SLC1A7: variants seen among roughly 807,000 people sequenced by gnomAD.
The protein encoded by SLC1A7 is solute carrier family 1 member 7.
Under a neutral mutation model 47.7 loss-of-function variants are expected in SLC1A7, and 40 were observed. The observed-to-expected ratio is 0.84, with a 90% CI of 0.65 to 1.09. The LOEUF is 1.09. SLC1A7 is among the 50% of genes least tolerant of loss of function. SLC1A7 has a pLI of 0.00. For missense variants in SLC1A7, 746 were observed against 769.5 expected (o/e 0.97, Z 0.36); for synonymous variants, 323 against 325.6 (o/e 0.99, Z 0.09).
chr1:53,103,177 T>G (rs945170815), intron 5 of SLC1A7, 169 bp downstream of exon 5: 24 of 533,340 alleles, frequency 4.5e-5, no homozygotes, highest in South Asian at 1.5e-4. Flanking sequence ...TGGGGTGGGG[T>G]GGGGAGGCGA....
chr1:53,136,199 T>C (rs1218686987), intron 1 of SLC1A7, among the ~76,000 whole-genome samples: 1 of 147,546 alleles, frequency 6.8e-6, no homozygotes, highest in African/African-American at 2.5e-5. Flanking sequence ...ATTATATATA[T>C]ATATTTTTTA....
chr1:53,115,048 C>A, intron 2 of SLC1A7, 75 bp from the exon 3 acceptor site: 2 of 1,164,588 alleles, frequency 1.7e-6, no homozygotes, highest in Non-Finnish European at 2.5e-6. Context: ...CACTCAGCCC[C>A]TCCTGGCCAT....
intron 6 of SLC1A7, 31 bp downstream of exon 6, chr1:53,093,430 C>T (rs146510848): frequency 7.1e-6 from 11 of 1,546,832 alleles, no homozygotes; most frequent in African/African-American, 1.3e-5. Context: ...CAGGGCTGGC[C>T]GGGGTGAGGT....
intron 1 of SLC1A7, among the ~76,000 whole-genome samples, chr1:53,141,973 G>A (rs943942673): frequency 2.0e-5 from 3 of 152,030 alleles, no homozygotes; most frequent in Non-Finnish European, 4.4e-5. Context: ...CAGCCTTTAG[G>A]AGGTGTTCTC....
chr1:53,123,714 T>C (rs1644849914), intron 2 of SLC1A7, among the ~76,000 whole-genome samples: 2 of 152,190 alleles, frequency 1.3e-5, no homozygotes, highest in African/African-American at 2.4e-5. Flanking sequence ...AGCGAGAGCA[T>C]GGAAGTCTGT....
Position 53,092,694 on chromosome 1 carries a change from T to C in SLC1A7, c.891A>G (p.Ser297=), listed in dbSNP as rs12129653. The change falls in exon 7 of 11, where the codon TCA becomes TCG. Residue 297 remains serine (S), a synonymous_variant. Coordinates refer to ENST00000371494, the MANE Select transcript of SLC1A7 (RefSeq NM_006671.6). ...GCACCAGCCCGCACACCACGGTGACTGAGTAGAAGCCCAGCTTCTTGCCGA... is the reference window on the plus strand; with the variant it reads ...GCACCAGCCCGCACACCACGGTGACCGAGTAGAAGCCCAGCTTCTTGCCGA... ...RAVGKKLGFY[S]VTVVCGLVLH... The C allele has an allele frequency of 0.072, 116,072 of 1,613,906 alleles. 6,777 individuals are homozygous for C. Among genetic ancestry groups the C allele is most frequent in the Admixed American group, 0.27 (16,235 of 60,014 alleles).
intron 2 of SLC1A7, among the ~76,000 whole-genome samples, chr1:53,124,654 C>T (rs755347122): frequency 3.3e-5 from 5 of 152,176 alleles, no homozygotes; most frequent in Admixed American, 2.0e-4. Context: ...CACACATGGG[C>T]ACACAAACAC....
rs1369030873 is a variant in SLC1A7 at position 53,103,582 on chromosome 1, C to T, written c.475-14G>A. ...CTTGGTGCGGTACTGGTGGGTGACA[C>T]CCCACCCAGAGAGAAGTCAGGGCCA... On this transcript the variant is annotated splice_polypyrimidine_tract_variant and intron_variant, in intron 4 of 10. Coordinates refer to ENST00000371494, the MANE Select transcript of SLC1A7 (RefSeq NM_006671.6). 1.3e-6 allele frequency: 2 copies of T among 1,512,964 alleles called. No homozygotes were observed. The highest frequency in any genetic ancestry group is 1.3e-5 in the South Asian group (1 of 79,402). The allele number at this position is 1,512,964 out of a possible 1,614,324, so 93.7% of individuals were successfully genotyped here.
At chr1:53,129,387 C>T (rs1300470156) in intron 2 of SLC1A7, among the ~76,000 whole-genome samples, 2 of 152,052 alleles carry the variant, frequency 1.3e-5, no homozygotes, top group African/African-American at 2.4e-5. Context: ...ACTCCAAAGC[C>T]CTGTTCCTGC....
chr1:53,141,055 GC>G (rs1214392931), intron 1 of SLC1A7, among the ~76,000 whole-genome samples: 1 of 152,162 alleles, frequency 6.6e-6, no homozygotes, highest in African/African-American at 2.4e-5. Flanking sequence ...CATTGACAAA[GC>G]CTCTCTCCTT....
At chr1:53,132,773 G>T (rs921232722) in intron 2 of SLC1A7, among the ~76,000 whole-genome samples, 6 of 152,198 alleles carry the variant, frequency 3.9e-5, no homozygotes, top group South Asian at 4.1e-4. Context: ...TTGAACCCAG[G>T]AAGCCGAGGC....
In SLC1A7 at chr1:53,134,432, G is replaced by A; in HGVS notation, c.136-3C>T. On this transcript the variant is annotated splice_polypyrimidine_tract_variant and splice_region_variant and intron_variant, in intron 1 of 10. Coordinates refer to ENST00000371494, the MANE Select transcript of SLC1A7 (RefSeq NM_006671.6). The stretch of plus-strand genomic sequence containing the variant: ...GGGAACTGGAAGTAACTAATTTCCT[G>A]AAAACACAGTAAGAACTGGGGTTAT... 1.2e-6 allele frequency: 2 copies of A among 1,605,314 alleles called. No individual in the cohort carries two copies. The highest frequency in any genetic ancestry group is 1.7e-6 in the Non-Finnish European group (2 of 1,172,812).
chr1:53,128,392 G>A (rs1312619082), intron 2 of SLC1A7, among the ~76,000 whole-genome samples: 3 of 152,188 alleles, frequency 2.0e-5, no homozygotes, highest in East Asian at 1.9e-4. Context: ...CGGGAGGATC[G>A]ATTGAGCCCT....
intron 9 of SLC1A7, among the ~76,000 whole-genome samples, 161 bp downstream of exon 9, chr1:53,089,636 TGCA>T (rs932606971): frequency 6.6e-6 from 1 of 152,216 alleles, no homozygotes; most frequent in Non-Finnish European, 1.5e-5. Flanking sequence ...CCACAAATTA[TGCA>T]GCCAGGCCTG....
intron 3 of SLC1A7, among the ~76,000 whole-genome samples, chr1:53,109,901 A>G (rs1644684577): frequency 6.6e-6 from 1 of 152,202 alleles, no homozygotes; most frequent in African/African-American, 2.4e-5. Context: ...AGCTGAATAC[A>G]GCGGAGCTGA....
intron 2 of SLC1A7, among the ~76,000 whole-genome samples, chr1:53,123,628 C>G (rs575337960): frequency 6.6e-6 from 1 of 152,210 alleles, no homozygotes; most frequent in East Asian, 1.9e-4. Context: ...CTCCGGGCAT[C>G]GGGCTGGGCC....
chr1:53,093,115 C>T (rs1644444573), intron 6 of SLC1A7, among the ~76,000 whole-genome samples: 1 of 152,242 alleles, frequency 6.6e-6, no homozygotes, highest in Non-Finnish European at 1.5e-5. Context: ...GGACTCTGAA[C>T]TGTGGGCCGA....
chr1:53,096,935 C>T (rs1386353909), intron 5 of SLC1A7, among the ~76,000 whole-genome samples: 1 of 150,402 alleles, frequency 6.6e-6, no homozygotes, highest in Admixed American at 6.6e-5. Flanking sequence ...CTCACATACA[C>T]CACCTCGGTA....
intron 3 of SLC1A7, among the ~76,000 whole-genome samples, chr1:53,112,576 C>T (rs540392757): frequency 6.6e-6 from 1 of 152,348 alleles, no homozygotes; most frequent in Admixed American, 6.5e-5. Context: ...AGGAATGCTT[C>T]TCCACAACCT....
Sources: gnomAD v4.1 joint callset for allele counts (sites outside exome capture counted in the v4.1 genomes callset) on GRCh38, gnomAD v4.1.1 for gene constraint, MANE v1.5 for transcripts, NCBI Gene and HGNC (gene_info 2026-07-23, HGNC 2026-07-21) for gene names.